Variants in STK3 observed in about 807,000 individuals in gnomAD.
The protein encoded by STK3 is serine/threonine kinase 3.
Under a neutral mutation model 58.0 loss-of-function variants are expected in STK3, and 41 were observed. The observed-to-expected ratio is 0.71, with a 90% CI of 0.55 to 0.92. The LOEUF is 0.92. STK3 is among the 40% of genes least tolerant of loss of function. The pLI is 0.00. For synonymous variants in STK3, 170 were observed against 191.0 expected, an observed-to-expected ratio of 0.89 and a Z score of 0.91; for missense variants, 479 against 602.7, an observed-to-expected ratio of 0.79 and a Z score of 2.15.
intron 6 of STK3, among the ~76,000 whole-genome samples, chr8:98,696,872 A>T (rs1175470866): frequency 6.6e-6 from 1 of 152,220 alleles, no homozygotes; most frequent in Non-Finnish European, 1.5e-5. Flanking sequence ...CTGGCCTCAT[A>T]AAATGAGTTA....
intron 6 of STK3, among the ~76,000 whole-genome samples, chr8:98,678,929 C>T (rs2130883905): frequency 6.6e-6 from 1 of 152,190 alleles, no homozygotes; most frequent in South Asian, 2.1e-4. Flanking sequence ...TTCTGCCTTC[C>T]TGCTTATATT....
intron 6 of STK3, chr8:98,597,295 T>G (rs1815910851): frequency 2.0e-6 from 2 of 985,434 alleles, no homozygotes; most frequent in South Asian, 9.4e-5. Context: ...CAGCAAAGAC[T>G]CAATATCCAA....
At chr8:98,493,816 A>C (rs1268177588) in intron 10 of STK3, among the ~76,000 whole-genome samples, 1 of 152,098 alleles carries the variant, frequency 6.6e-6, no homozygotes, top group Admixed American at 6.5e-5. Context: ...CCACCTTAAA[A>C]AGTCACTATT....
At chr8:98,922,663 T>C (rs1839610767) in intron 1 of STK3, among the ~76,000 whole-genome samples, 1 of 152,246 alleles carries the variant, frequency 6.6e-6, no homozygotes, top group Non-Finnish European at 1.5e-5. Flanking sequence ...TCTTCTATTA[T>C]ATACAAGGCA....
intron 6 of STK3, among the ~76,000 whole-genome samples, chr8:98,696,244 G>T (rs201179348): frequency 1.3e-5 from 2 of 152,192 alleles, no homozygotes; most frequent in Non-Finnish European, 1.5e-5. Context: ...TATCAGCTAA[G>T]GGAGATTTTG....
intron 10 of STK3, among the ~76,000 whole-genome samples, chr8:98,469,588 C>T (rs114283681): frequency 1.7e-3 from 262 of 152,316 alleles, no homozygotes; most frequent in African/African-American, 6.1e-3. Flanking sequence ...TTTACATCTA[C>T]TGGGAAGCCG....
intron 6 of STK3, among the ~76,000 whole-genome samples, chr8:98,620,501 A>C (rs1030426150): frequency 1.3e-5 from 2 of 149,426 alleles, no homozygotes; most frequent in Non-Finnish European, 3.0e-5. Context: ...TAAATAAATA[A>C]AAAGGTCAAC....
chr8:98,584,269 C>T (rs1194965074), intron 7 of STK3, among the ~76,000 whole-genome samples: 3 of 149,024 alleles, frequency 2.0e-5, no homozygotes, highest in East Asian at 4.0e-4. Flanking sequence ...CCACAACAGT[C>T]CCCAGAGTGT....
chr8:98,520,162 A>C (rs1212710658), intron 10 of STK3, among the ~76,000 whole-genome samples: 2 of 152,194 alleles, frequency 1.3e-5, no homozygotes, highest in Non-Finnish European at 2.9e-5. Context: ...TGCTATAATA[A>C]ACAGACTTGC....
chr8:98,710,965 A>C (rs1166616457), intron 4 of STK3, among the ~76,000 whole-genome samples: 2 of 152,218 alleles, frequency 1.3e-5, no homozygotes, highest in Non-Finnish European at 2.9e-5. Context: ...ATCAGGCAGC[A>C]ACATTTGCTG....
At chr8:98,429,261 C>A in intron 3 of STK3, 1 of 1,614,080 alleles carries the variant, frequency 6.2e-7, no homozygotes, top group Non-Finnish European at 8.5e-7. Context: ...GAGTGCCATG[C>A]GCAGCTGTGA....
chr8:98,640,335 C>A (rs912874165), intron 6 of STK3, among the ~76,000 whole-genome samples: 3 of 152,148 alleles, frequency 2.0e-5, no homozygotes, highest in Admixed American at 2.0e-4. Context: ...CAGGCTTGAG[C>A]AACTGTGCCT....
Position 98,428,692 on chromosome 8 carries a change from T to C in STK3, n.483+5435A>G. ...GTGGAGCACTTTGGCATTGCCTGGTTCACATTTGAGCTGGTGGCCAGGTTT... is the reference window on the plus strand; with the variant it reads ...GTGGAGCACTTTGGCATTGCCTGGTCCACATTTGAGCTGGTGGCCAGGTTT... On this transcript the variant is annotated intron_variant and non_coding_transcript_variant, in intron 3 of 3. Transcript: ENST00000517832. The surrounding 1 kb of genome is among the most constrained non-coding windows in gnomAD (Gnocchi z 6.7). The C allele has an allele frequency of 6.2e-7, 1 of 1,614,242 alleles. No individual in the cohort carries two copies. Among genetic ancestry groups the C allele is most frequent in the Non-Finnish European group, 8.5e-7 (1 of 1,180,046 alleles).
chr8:98,809,749 C>G (rs529430349), intron 1 of STK3, among the ~76,000 whole-genome samples: 1 of 152,152 alleles, frequency 6.6e-6, no homozygotes, highest in Non-Finnish European at 1.5e-5. Context: ...CTGGTGGACA[C>G]GTGAGTTGCT....
At chr8:98,509,199 G>C (rs1029726533) in intron 10 of STK3, among the ~76,000 whole-genome samples, 2 of 151,960 alleles carry the variant, frequency 1.3e-5, no homozygotes, top group East Asian at 3.8e-4. Context: ...TATTTAGACA[G>C]AATTAAATGG....
chr8:98,347,281 G>A, the STK3 span, among the ~76,000 whole-genome samples: 14 of 151,904 alleles, frequency 9.2e-5, no homozygotes, highest in East Asian at 1.7e-3. Flanking sequence ...TTGGGAGGCC[G>A]AGGCGGGCGG....
In STK3 at chr8:98,680,627, A is replaced by G. The variant is rs115128617; in HGVS notation, c.684+25840T>C. On this transcript the variant is annotated intron_variant, in intron 6 of 10. Transcript: ENST00000419617. ...TGTTCTCTTTCCCTACAGAAGACAAAGTTGGGATCTATACTAGAAAGTAGA... is the reference window on the plus strand; with the variant it reads ...TGTTCTCTTTCCCTACAGAAGACAAGGTTGGGATCTATACTAGAAAGTAGA... Among the ~76,000 whole-genome samples, 633 of 152,328 alleles carry G rather than the reference A, an allele frequency of 4.2e-3. 5 individuals are homozygous for G. The highest frequency in any genetic ancestry group is 0.014 in the African/African-American group (568 of 41,576).
intron 7 of STK3, among the ~76,000 whole-genome samples, chr8:98,589,873 C>T (rs1235637968): frequency 6.6e-6 from 1 of 152,200 alleles, no homozygotes; most frequent in South Asian, 2.1e-4. Context: ...AGGTGCCGTC[C>T]GTCACTCCTT....
chr8:98,858,140 G>A (rs1267511717), intron 3 of STK3, among the ~76,000 whole-genome samples: 1 of 151,056 alleles, frequency 6.6e-6, no homozygotes, highest in African/African-American at 2.4e-5. Context: ...CCCAGTCCTT[G>A]GGAGGCCGAG....
Sources: allele counts gnomAD v4.1 joint callset (sites outside exome capture counted in the v4.1 genomes callset), GRCh38; gene constraint gnomAD v4.1.1; non-coding constraint Gnocchi (gnomAD v3.1); transcripts MANE v1.5; gene names NCBI Gene and HGNC (gene_info 2026-07-23, HGNC 2026-07-21).